The following ARID5B variants were observed in gnomAD, a reference collection of about 807,000 sequenced individuals.
The protein encoded by ARID5B is AT-rich interaction domain 5B, also known as AT-rich interactive domain-containing protein 5B.
ARID5B carries 13 observed loss-of-function variants against 97.2 expected under a neutral mutation model. That is an observed-to-expected ratio of 0.13 (90% CI 0.09 to 0.21). ARID5B has a LOEUF of 0.21. ARID5B is among the 10% of genes least tolerant of loss of function. ARID5B has a pLI of 1.00. For synonymous variants in ARID5B, 556 were observed against 570.3 expected (o/e 0.97, Z 0.36); for missense variants, 1,210 against 1,465.3 (o/e 0.83, Z 2.84).
chr10:62,050,041 C>A (rs1030387122), intron 4 of ARID5B, among the ~76,000 whole-genome samples: 9 of 152,134 alleles, frequency 5.9e-5, no homozygotes, highest in Admixed American at 5.9e-4. Flanking sequence ...ATAGTCATAG[C>A]TCTCAATAAA....
At chr10:61,975,122 A>G (rs1838681784) in intron 3 of ARID5B, among the ~76,000 whole-genome samples, 1 of 152,174 alleles carries the variant, frequency 6.6e-6, no homozygotes, top group African/African-American at 2.4e-5. Flanking sequence ...ATAAATAAAG[A>G]ATTCAAAATG....
intron 3 of ARID5B, among the ~76,000 whole-genome samples, chr10:61,991,513 A>G (rs1413604620): frequency 6.6e-6 from 1 of 152,130 alleles, no homozygotes; most frequent in African/African-American, 2.4e-5. Context: ...TGCCATTTTT[A>G]AATTGGTTTG....
intron 2 of ARID5B, among the ~76,000 whole-genome samples, chr10:61,916,046 G>C (rs561228357): frequency 6.6e-6 from 1 of 151,458 alleles, no homozygotes; most frequent in Non-Finnish European, 1.5e-5. Context: ...GTGAGCCACC[G>C]TGTCTAGCCT....
intron 4 of ARID5B, among the ~76,000 whole-genome samples, chr10:62,023,270 T>C (rs1309874031): frequency 6.6e-6 from 1 of 152,234 alleles, no homozygotes; most frequent in Non-Finnish European, 1.5e-5. Context: ...TTCTTGTGCA[T>C]TTGCTCCTTA....
At chr10:62,066,767 T>C (rs12098634) in intron 7 of ARID5B, among the ~76,000 whole-genome samples, 1,869 of 152,270 alleles carry the variant, frequency 0.012, 39 homozygotes, top group African/African-American at 0.042. Context: ...CTCGTTTAGA[T>C]GGTAGGATGG....
chr10:62,026,607 A>G (rs966416625), intron 4 of ARID5B, among the ~76,000 whole-genome samples: 3 of 152,228 alleles, frequency 2.0e-5, no homozygotes, highest in Admixed American at 6.5e-5. Context: ...TTTTACTGGA[A>G]CTAATGTAAC....
intron 4 of ARID5B, among the ~76,000 whole-genome samples, chr10:62,024,178 G>A (rs1341738056): frequency 6.6e-6 from 1 of 152,170 alleles, no homozygotes; most frequent in African/African-American, 2.4e-5. Flanking sequence ...ATGAGGCCCT[G>A]ATTAAACCTT....
At chr10:62,059,161 G>GAA in intron 6 of ARID5B, 82 bp from the exon 7 acceptor site, 1 of 1,064,822 alleles carries the variant, frequency 9.4e-7, no homozygotes, top group Non-Finnish European at 1.4e-6. Context: ...CTTTCTCGTT[G>GAA]AAAAAAAAAA....
chr10:61,974,973 A>C (rs896191476), intron 3 of ARID5B, among the ~76,000 whole-genome samples: 4 of 149,398 alleles, frequency 2.7e-5, no homozygotes, highest in African/African-American at 7.7e-5. Context: ...CAGTTTTCGA[A>C]GGAATAATAG....
intron 2 of ARID5B, among the ~76,000 whole-genome samples, chr10:61,910,867 T>C (rs1843791824): frequency 6.6e-6 from 1 of 152,230 alleles, no homozygotes; most frequent in South Asian, 2.1e-4. Context: ...AGGATCTTTG[T>C]GGCTGTATAA....
chr10:62,039,509 T>C (rs1004321475), intron 4 of ARID5B, among the ~76,000 whole-genome samples: 1 of 148,814 alleles, frequency 6.7e-6, no homozygotes, highest in African/African-American at 2.6e-5. Context: ...TTGATTGGCA[T>C]GTAGTGTTTG....
At chr10:61,918,842 T>C (rs1039324750) in intron 2 of ARID5B, among the ~76,000 whole-genome samples, 1 of 152,154 alleles carries the variant, frequency 6.6e-6, no homozygotes, top group Non-Finnish European at 1.5e-5. Context: ...GTGACCAGCC[T>C]GGCCAACATG....
intron 3 of ARID5B, among the ~76,000 whole-genome samples, chr10:61,976,095 C>T (rs1240450990): frequency 2.0e-5 from 3 of 152,166 alleles, no homozygotes; most frequent in Admixed American, 2.0e-4. Flanking sequence ...TATAAATGTC[C>T]ATGCCTTCAG....
At chr10:61,915,587 C>T (rs1843887328) in intron 2 of ARID5B, among the ~76,000 whole-genome samples, 1 of 152,124 alleles carries the variant, frequency 6.6e-6, no homozygotes, top group African/African-American at 2.4e-5. Flanking sequence ...TGTCCGTTTG[C>T]CCACTGGAGG....
intron 3 of ARID5B, among the ~76,000 whole-genome samples, chr10:61,963,013 G>C (rs561263858): frequency 1.3e-5 from 2 of 152,166 alleles, no homozygotes; most frequent in African/African-American, 4.8e-5. Flanking sequence ...TTTTTTCTGG[G>C]AGTGTGTGAT....
intron 3 of ARID5B, among the ~76,000 whole-genome samples, chr10:61,997,956 ATC>A (rs1839024111): frequency 6.6e-6 from 1 of 152,198 alleles, no homozygotes; most frequent in Non-Finnish European, 1.5e-5. Context: ...TGGGACATAT[ATC>A]AGCATCTCAA....
chr10:62,012,738 T>C (rs1459011671), intron 4 of ARID5B, among the ~76,000 whole-genome samples: 1 of 152,212 alleles, frequency 6.6e-6, no homozygotes, highest in Non-Finnish European at 1.5e-5. Context: ...CTTGAGAACA[T>C]TTTATTTATG....
intron 2 of ARID5B, among the ~76,000 whole-genome samples, chr10:61,916,011 C>G (rs937366566): frequency 1.3e-5 from 2 of 152,126 alleles, no homozygotes; most frequent in African/African-American, 4.8e-5. Context: ...CCACCTCAGC[C>G]TCCCAAAGTG....
At chr10:61,994,832 T>A (rs558479040) in intron 3 of ARID5B, among the ~76,000 whole-genome samples, 1 of 152,104 alleles carries the variant, frequency 6.6e-6, no homozygotes, top group East Asian at 1.9e-4. Context: ...CAGTGTACTT[T>A]AGGTATTAAC....
Sources: allele counts gnomAD v4.1 joint callset (sites outside exome capture counted in the v4.1 genomes callset), GRCh38; gene constraint gnomAD v4.1.1; transcripts MANE v1.5; gene names NCBI Gene and HGNC (gene_info 2026-07-23, HGNC 2026-07-21).